UGT1A3: variants seen among roughly 807,000 people sequenced by gnomAD.
UGT1A3 encodes UDP-glucuronosyltransferase 1A3.
A neutral mutation model predicts 41.0 loss-of-function variants in UGT1A3; 31 were observed. The observed-to-expected ratio is 0.76, with a 90% confidence interval of 0.57 to 1.02. The LOEUF is 1.02. UGT1A3 is among the 50% of genes least tolerant of loss of function. UGT1A3 has a pLI of 0.00. For synonymous variants in UGT1A3, 262 were observed against 257.6 expected, an observed-to-expected ratio of 1.02 and a Z score of -0.17; for missense variants, 737 against 671.0, an observed-to-expected ratio of 1.10 and a Z score of -1.09.
At chr2:233,759,585 G>C in intron 1 of UGT1A3, among the ~76,000 whole-genome samples, 1 of 148,700 alleles carries the variant, frequency 6.7e-6, no homozygotes, top group Non-Finnish European at 1.5e-5. Context: ...ACCCCAGCAC[G>C]CCCCCCACCC....
At chr2:233,747,373 G>C in intron 1 of UGT1A3, 1 of 1,604,624 alleles carries the variant, frequency 6.2e-7, no homozygotes, top group South Asian at 1.1e-5. Flanking sequence ...CTCCATGCCA[G>C]AGGCCACCAG....
chr2:233,769,543 G>A lies in UGT1A3; in HGVS notation c.1307+1104G>A, dbSNP rs750789040. The A allele has an allele frequency of 1.2e-6, 2 of 1,612,968 alleles. No individual in the cohort carries two copies. The highest frequency in any genetic ancestry group is 1.7e-6 in the Non-Finnish European group (2 of 1,179,890). On this transcript the variant is annotated intron_variant, in intron 4 of 4. Transcript: ENST00000482026. The surrounding 1 kb of genome is among the most constrained non-coding windows in gnomAD (Gnocchi z 4.4). The stretch of plus-strand genomic sequence containing the variant: ...TTACCTCCTTTAGAAAGAAGCAGCA[G>A]TCAGGAAGACAGATGTGAAGAGCTG...
intron 1 of UGT1A3, among the ~76,000 whole-genome samples, chr2:233,765,573 A>C (rs1448763178): frequency 2.6e-5 from 4 of 152,132 alleles, no homozygotes; most frequent in Admixed American, 6.5e-5. Context: ...GCGTAGACGC[A>C]GGGAGGGGAA....
At position 233,744,814 on chromosome 2, in the gene UGT1A3, C is replaced by T. The variant is rs571865422; in HGVS notation, c.867+14821C>T. 9.2e-5 allele frequency among the ~76,000 whole-genome samples: 14 copies of T among 152,002 alleles called. No individual in the cohort carries two copies. In the East Asian group the frequency reaches 9.6e-4, roughly 10 times the overall value. On this transcript the variant is annotated intron_variant, in intron 1 of 4. Transcript: ENST00000482026. ...CTTGGGGATCCCTAGGATTTCCTGG[C>T]TCATACTTTGAGAATCGCTAGTCTA...
intron 1 of UGT1A3, among the ~76,000 whole-genome samples, chr2:233,736,629 C>T (rs558858921): frequency 6.6e-6 from 1 of 152,208 alleles, no homozygotes; most frequent in Admixed American, 6.5e-5. Flanking sequence ...CTTTTCTGCT[C>T]TAGTTTCCCC....
At chr2:233,735,891 A>C (rs2078706865) in intron 1 of UGT1A3, among the ~76,000 whole-genome samples, 2 of 151,822 alleles carry the variant, frequency 1.3e-5, no homozygotes, top group East Asian at 3.9e-4. Flanking sequence ...TGTTAGTCTG[A>C]TGGGCTTCCC....
intron 1 of UGT1A3, chr2:233,747,579 G>A (rs1304501240): frequency 1.5e-5 from 24 of 1,582,358 alleles, no homozygotes; most frequent in Non-Finnish European, 2.0e-5. Context: ...TTCATCTTTG[G>A]TCTTTCATAG....
intron 2 of UGT1A3, 81 bp from the exon 3 acceptor site, chr2:233,767,768 G>A (rs1166342197): frequency 1.9e-5 from 30 of 1,610,020 alleles, no homozygotes; most frequent in Non-Finnish European, 2.5e-5. Flanking sequence ...GAGGACCCCT[G>A]TTTTCTAGTT....
chr2:233,734,021 G>A (rs2078468168), intron 1 of UGT1A3, among the ~76,000 whole-genome samples: 1 of 152,072 alleles, frequency 6.6e-6, no homozygotes, highest in Non-Finnish European at 1.5e-5. Context: ...ACGAGTTAAT[G>A]GGTGCAGCAC....
At chr2:233,755,943 TC>T (rs1252557190) in intron 1 of UGT1A3, 1 of 62,766 alleles carries the variant, frequency 1.6e-5, no homozygotes, top group African/African-American at 8.0e-5. Context: ...TTTTTGCATC[TC>T]TCTCTTTAGT....
chr2:233,737,607 T>A (rs970268869), intron 1 of UGT1A3, among the ~76,000 whole-genome samples: 49 of 152,170 alleles, frequency 3.2e-4, no homozygotes, highest in African/African-American at 1.2e-3. Flanking sequence ...GGTACCTCAG[T>A]TGGAAATGCA....
intron 1 of UGT1A3, among the ~76,000 whole-genome samples, chr2:233,765,584 C>A (rs1030389138): frequency 6.6e-6 from 1 of 151,846 alleles, no homozygotes; most frequent in African/African-American, 2.4e-5. Context: ...GGGAGGGGAA[C>A]AACACACACC....
At chr2:233,753,836 T>C (rs1228846526) in intron 1 of UGT1A3, among the ~76,000 whole-genome samples, 5 of 152,234 alleles carry the variant, frequency 3.3e-5, no homozygotes, top group African/African-American at 1.2e-4. Context: ...AAGACAGTCC[T>C]AGTATATCAT....
chr2:233,766,145 C>G (rs1400021152), intron 1 of UGT1A3, among the ~76,000 whole-genome samples: 2 of 152,164 alleles, frequency 1.3e-5, no homozygotes, highest in Non-Finnish European at 2.9e-5. Flanking sequence ...CGAATCCCAC[C>G]TGGGCTTGGA....
At chr2:233,758,423 G>A (rs1305067521) in intron 1 of UGT1A3, among the ~76,000 whole-genome samples, 1 of 152,182 alleles carries the variant, frequency 6.6e-6, no homozygotes, top group Non-Finnish European at 1.5e-5. Flanking sequence ...ATCTGCAAAT[G>A]AACTCACACA....
chr2:233,744,298 C>CAA (rs1268189339), intron 1 of UGT1A3, among the ~76,000 whole-genome samples: 1 of 151,760 alleles, frequency 6.6e-6, no homozygotes, highest in Non-Finnish European at 1.5e-5. Flanking sequence ...TTTCCTCGGC[C>CAA]ACAGGAGGGA....
Position 233,729,303 on chromosome 2 carries a change from G to T in UGT1A3, c.177G>T (p.Val59=). 6.2e-7 allele frequency: 1 copy of T among 1,614,236 alleles called. No homozygotes were observed. The highest frequency in any genetic ancestry group is 1.1e-5 in the South Asian group (1 of 91,078). The change falls in exon 1 of 5, where the codon GTG becomes GTT. Residue 59 remains valine, a synonymous_variant. Coordinates refer to ENST00000482026, the MANE Select transcript of UGT1A3 (RefSeq NM_019093.4). ...TCCATGCCAGAGGCCACCAGGCAGT[G>T]GTCCTCACCCCAGAGGTGAATATGC... is the stretch of plus-strand genomic sequence containing the variant. ...RELHARGHQA[V]VLTPEVNMHI...
chr2:233,759,804 G>A (rs35746348), intron 1 of UGT1A3, among the ~76,000 whole-genome samples: 153 of 152,314 alleles, frequency 1.0e-3, no homozygotes, highest in African/African-American at 3.5e-3. Context: ...ATACAAGTGA[G>A]CAGGCAGTAC....
At chr2:233,771,798 CCCTCCCTT>C (rs951458637) in intron 4 of UGT1A3, among the ~76,000 whole-genome samples, 10 of 147,834 alleles carry the variant, frequency 6.8e-5, no homozygotes, top group African/African-American at 2.5e-4. Context: ...CTCCCTCCCT[CCCTCCCTT>C]CCTCCTTTCC....
Sources: allele counts gnomAD v4.1 joint callset (sites outside exome capture counted in the v4.1 genomes callset), GRCh38; gene constraint gnomAD v4.1.1; non-coding constraint Gnocchi (gnomAD v3.1); transcripts MANE v1.5; gene names NCBI Gene and HGNC (gene_info 2026-07-23, HGNC 2026-07-21).